Variants in ADAMTS17 observed in about 807,000 individuals in gnomAD.
ADAMTS17 encodes ADAM metallopeptidase with thrombospondin type 1 motif 17.
In ADAMTS17, 113 loss-of-function variants were observed where a neutral mutation model predicts 141.5. That is an observed-to-expected ratio of 0.80 (90% confidence interval 0.69 to 0.93). The LOEUF is 0.93. ADAMTS17 is among the 40% of genes least tolerant of loss of function. The pLI, the probability that ADAMTS17 is intolerant of heterozygous loss-of-function variation, is 0.00. For synonymous variants in ADAMTS17, 768 were observed against 630.6 expected (o/e 1.22, Z -3.27); for missense variants, 1,659 against 1,517.9 (o/e 1.09, Z -1.54).
chr15:100,334,286 G>C (rs920508268), intron 2 of ADAMTS17, among the ~76,000 whole-genome samples: 7 of 152,218 alleles, frequency 4.6e-5, no homozygotes, highest in African/African-American at 1.7e-4. Context: ...GAGAACGTCT[G>C]TCCTGTGTGC....
intron 10 of ADAMTS17, among the ~76,000 whole-genome samples, chr15:100,146,600 G>C (rs1255653934): frequency 2.6e-5 from 4 of 152,194 alleles, no homozygotes; most frequent in African/African-American, 7.2e-5. Context: ...AAAAAGAACA[G>C]GATAACAGCA....
chr15:100,030,491 A>G (rs887763254), intron 18 of ADAMTS17, among the ~76,000 whole-genome samples: 1 of 152,138 alleles, frequency 6.6e-6, no homozygotes, highest in Non-Finnish European at 1.5e-5. Context: ...GTCTGTAATG[A>G]GCCACCTGGG....
intron 7 of ADAMTS17, among the ~76,000 whole-genome samples, chr15:100,201,341 C>A (rs1232118220): frequency 7.7e-6 from 1 of 129,736 alleles, no homozygotes; most frequent in African/African-American, 2.8e-5. Context: ...CCTCCCCCCT[C>A]TCTCCTGCTG....
At chr15:100,074,793 C>CGA (rs2034251492) in intron 15 of ADAMTS17, among the ~76,000 whole-genome samples, 1 of 152,016 alleles carries the variant, frequency 6.6e-6, no homozygotes, top group South Asian at 2.1e-4. Flanking sequence ...TATAGAGGCA[C>CGA]GATTGGGAAA....
At chr15:100,170,440 A>G (rs946430009) in intron 8 of ADAMTS17, among the ~76,000 whole-genome samples, 1 of 152,154 alleles carries the variant, frequency 6.6e-6, no homozygotes, top group African/African-American at 2.4e-5. Flanking sequence ...GGACTCCTAA[A>G]TGCTGGGCTG....
chr15:100,171,447 G>A (rs1220926057), intron 8 of ADAMTS17, among the ~76,000 whole-genome samples: 2 of 152,110 alleles, frequency 1.3e-5, no homozygotes, highest in South Asian at 4.1e-4. Flanking sequence ...CACAGGTTAG[G>A]GGGGCCTGAG....
intron 18 of ADAMTS17, among the ~76,000 whole-genome samples, chr15:100,016,801 T>C (rs576506226): frequency 6.6e-6 from 1 of 152,336 alleles, no homozygotes; most frequent in Non-Finnish European, 1.5e-5. Flanking sequence ...TGAGGGTTCT[T>C]AGCTTTGGTG....
chr15:100,323,755 G>A (rs57836805), intron 3 of ADAMTS17, among the ~76,000 whole-genome samples: 1 of 152,122 alleles, frequency 6.6e-6, no homozygotes, highest in Non-Finnish European at 1.5e-5. Context: ...TTATTAAGAT[G>A]GATAAATCTA....
At chr15:99,992,967 A>T in intron 20 of ADAMTS17, 81 bp downstream of exon 20, 1 of 1,571,944 alleles carries the variant, frequency 6.4e-7, no homozygotes, top group South Asian at 1.1e-5. Context: ...TAGAATTGGG[A>T]CCCGTCACAA....
At chr15:100,184,583 T>A (rs1407039437) in intron 8 of ADAMTS17, among the ~76,000 whole-genome samples, 1 of 152,158 alleles carries the variant, frequency 6.6e-6, no homozygotes, top group African/African-American at 2.4e-5. Context: ...CAAAGCTACC[T>A]TCAGGAATTT....
At chr15:100,274,000 C>T (rs2043997913) in intron 4 of ADAMTS17, among the ~76,000 whole-genome samples, 1 of 152,146 alleles carries the variant, frequency 6.6e-6, no homozygotes, top group Non-Finnish European at 1.5e-5. Context: ...AGTTTTCCTT[C>T]TGTTACTGAT....
chr15:100,323,885 A>C (rs1162318780), intron 3 of ADAMTS17, among the ~76,000 whole-genome samples: 1 of 152,136 alleles, frequency 6.6e-6, no homozygotes, highest in Non-Finnish European at 1.5e-5. Context: ...ATCGCTATAA[A>C]AGTACAAAAA....
At chr15:100,001,695 G>C (rs1395408979) in intron 18 of ADAMTS17, among the ~76,000 whole-genome samples, 3 of 151,998 alleles carry the variant, frequency 2.0e-5, no homozygotes, top group Non-Finnish European at 2.9e-5. Context: ...TCTAGGCCGG[G>C]CACAGTGGCT....
intron 2 of ADAMTS17, among the ~76,000 whole-genome samples, chr15:100,340,441 A>T (rs1056584694): frequency 6.6e-6 from 1 of 152,134 alleles, no homozygotes; most frequent in Non-Finnish European, 1.5e-5. Flanking sequence ...ATGCCTACTA[A>T]TAGTATAAGG....
intron 18 of ADAMTS17, among the ~76,000 whole-genome samples, chr15:100,005,315 C>T (rs1239888922): frequency 3.9e-5 from 6 of 152,208 alleles, no homozygotes; most frequent in African/African-American, 1.4e-4. Flanking sequence ...TCTTACAGTT[C>T]TGGAGGTCAG....
chr15:100,209,070 G>A (rs2054563), intron 7 of ADAMTS17, among the ~76,000 whole-genome samples: 1 of 109,970 alleles, frequency 9.1e-6, no homozygotes, highest in East Asian at 2.9e-4. Context: ...TCTAAAGGAT[G>A]AATACAATGC....
chr15:100,084,313 C>T (rs903245725), intron 15 of ADAMTS17, among the ~76,000 whole-genome samples: 2 of 152,260 alleles, frequency 1.3e-5, no homozygotes. Context: ...CCGCCATTGC[C>T]GAGGCTTGAG....
intron 8 of ADAMTS17, among the ~76,000 whole-genome samples, chr15:100,177,293 A>C (rs1328787737): frequency 6.6e-6 from 1 of 152,248 alleles, no homozygotes; most frequent in African/African-American, 2.4e-5. Flanking sequence ...ACAGCTATAC[A>C]TTCCCTCTCA....
In ADAMTS17 at chr15:100,285,729, G is replaced by T. The variant is rs186208216; in HGVS notation, c.617-4328C>A. On this transcript the variant is annotated intron_variant, in intron 3 of 21. Transcript: ENST00000268070. ...AATGCTTGAGCCGGCAGGGAGAGCT[G>T]CTGAGAGAGGTGGCAGGGGCAGGAC... Among the ~76,000 whole-genome samples the T allele has an allele frequency of 2.0e-5, 3 of 152,356 alleles. No homozygotes were observed. The East Asian group carries it at 5.8e-4, about 29-fold the overall frequency.
Sources: allele counts gnomAD v4.1 joint callset (sites outside exome capture counted in the v4.1 genomes callset), GRCh38; gene constraint gnomAD v4.1.1; transcripts MANE v1.5; gene names NCBI Gene and HGNC (gene_info 2026-07-23, HGNC 2026-07-21).